COL5A2: variants seen among roughly 807,000 people sequenced by gnomAD.
COL5A2 encodes collagen type V alpha 2 chain, also known as collagen alpha-2(V) chain.
In COL5A2, 23 loss-of-function variants were observed where a neutral mutation model predicts 208.2. That is an observed-to-expected ratio of 0.11 (90% CI 0.08 to 0.16). The LOEUF (loss-of-function observed/expected upper bound fraction) is 0.16. COL5A2 is among the 10% of genes least tolerant of loss of function. COL5A2 has a pLI of 1.00. For synonymous variants in COL5A2, 625 were observed against 628.5 expected (o/e 0.99, Z 0.08); for missense variants, 1,590 against 1,956.4 (o/e 0.81, Z 3.53).
At chr2:189,403,188 C>CATTCGTG in the COL5A2 span, among the ~76,000 whole-genome samples, 2 of 152,154 alleles carry the variant, frequency 1.3e-5, no homozygotes, top group Non-Finnish European at 2.9e-5. Flanking sequence ...AATGGGAGCT[C>CATTCGTG]ATTCGTGATT....
At chr2:189,049,137 G>A (rs533940355) in intron 44 of COL5A2, among the ~76,000 whole-genome samples, 1 of 152,276 alleles carries the variant, frequency 6.6e-6, no homozygotes, top group South Asian at 2.1e-4. Flanking sequence ...ACTAGATGAA[G>A]GTCAGTGCAA....
At chr2:189,345,633 A>G in the COL5A2 span, among the ~76,000 whole-genome samples, 8 of 152,316 alleles carry the variant, frequency 5.3e-5, no homozygotes, top group South Asian at 1.7e-3. Flanking sequence ...AACAGTATTA[A>G]TTGCCATAGA....
At chr2:189,045,671 T>C (rs1022529877) in intron 46 of COL5A2, 129 bp downstream of exon 46, 27 of 781,196 alleles carry the variant, frequency 3.5e-5, no homozygotes, top group Non-Finnish European at 5.6e-5. Flanking sequence ...TAATTAGCTG[T>C]TTACCATTCA....
intron 1 of COL5A2, among the ~76,000 whole-genome samples, chr2:189,135,091 T>C (rs907590004): frequency 6.6e-6 from 1 of 152,178 alleles, no homozygotes; most frequent in African/African-American, 2.4e-5. Context: ...CAACTTTTCT[T>C]CTTGTTATCT....
At chr2:189,266,560 A>C in the COL5A2 span, among the ~76,000 whole-genome samples, 1 of 152,282 alleles carries the variant, frequency 6.6e-6, no homozygotes, top group East Asian at 1.9e-4. Context: ...GAAGTGTCCA[A>C]AATAGGCAAA....
Position 189,050,621 on chromosome 2 carries a change from CCAA to C in COL5A2, c.2984_2986del (p.Val995del). 6.4e-7 allele frequency: 1 copy of C among 1,552,594 alleles called. No homozygotes were observed. The highest frequency in any genetic ancestry group is 8.7e-7 in the Non-Finnish European group (1 of 1,147,442). The stretch of plus-strand genomic sequence containing the variant: ...TCTCTCTCCACGTTGCCCAGGCATG[CCAA>C]CAATTCCTCTCTGCCCGGTCGTTCC... On this transcript the variant is annotated inframe_deletion, in exon 43 of 54. Transcript: ENST00000374866.
chr2:189,367,411 C>G, the COL5A2 span, among the ~76,000 whole-genome samples: 1 of 152,306 alleles, frequency 6.6e-6, no homozygotes, highest in South Asian at 2.1e-4. Flanking sequence ...CACATATTGA[C>G]TTCCATGTTT....
At chr2:189,223,898 T>C (rs1426657484) in intron 1 of COL5A2, among the ~76,000 whole-genome samples, 1 of 152,186 alleles carries the variant, frequency 6.6e-6, no homozygotes, top group Non-Finnish European at 1.5e-5. Context: ...TAAGCAAATG[T>C]ATTGTGTGGG....
chr2:189,246,641 T>A, the COL5A2 span, among the ~76,000 whole-genome samples: 17 of 152,204 alleles, frequency 1.1e-4, no homozygotes, highest in African/African-American at 4.1e-4. Context: ...CTGTTCATAT[T>A]TGGGTTTTAG....
intron 1 of COL5A2, among the ~76,000 whole-genome samples, chr2:189,153,469 A>T (rs982561991): frequency 1.3e-5 from 2 of 152,210 alleles, no homozygotes; most frequent in Non-Finnish European, 2.9e-5. Flanking sequence ...CCAGTCATGC[A>T]TGCTTCACTA....
At chr2:189,375,094 G>A in the COL5A2 span, among the ~76,000 whole-genome samples, 1 of 150,624 alleles carries the variant, frequency 6.6e-6, no homozygotes, top group Non-Finnish European at 1.5e-5. Context: ...TCAGCTCACT[G>A]AAACCTCCAG....
At chr2:189,246,802 C>T in the COL5A2 span, among the ~76,000 whole-genome samples, 3 of 152,166 alleles carry the variant, frequency 2.0e-5, no homozygotes, top group African/African-American at 7.2e-5. Context: ...TACAGCAAAA[C>T]ATCTTAGTGG....
chr2:189,134,687 G>A (rs1687793231), intron 1 of COL5A2, among the ~76,000 whole-genome samples: 2 of 152,124 alleles, frequency 1.3e-5, no homozygotes, highest in South Asian at 2.1e-4. Flanking sequence ...ACATGAAAAT[G>A]CCTTCCTGGA....
intron 21 of COL5A2, 107 bp from the exon 22 acceptor site, chr2:189,066,889 G>A (rs946746417): frequency 2.0e-5 from 17 of 855,838 alleles, no homozygotes; most frequent in Non-Finnish European, 2.8e-5. Flanking sequence ...CAGCTGAGTC[G>A]GTTTTGCATC....
At chr2:189,047,134 A>AT in intron 45 of COL5A2, among the ~76,000 whole-genome samples, 1 of 152,186 alleles carries the variant, frequency 6.6e-6, no homozygotes, top group Non-Finnish European at 1.5e-5. Flanking sequence ...AAAAAAAAAA[A>AT]AAATACTTAA....
At chr2:189,157,113 T>C (rs2882733) in intron 1 of COL5A2, among the ~76,000 whole-genome samples, 89,475 of 144,600 alleles carry the variant, frequency 0.62, 28,644 homozygotes, top group East Asian at 0.8. Flanking sequence ...GAGATAGATA[T>C]ATCGATATAT....
At chr2:189,039,099 G>A (rs1468045718) in intron 51 of COL5A2, among the ~76,000 whole-genome samples, 173 bp downstream of exon 51, 1 of 151,846 alleles carries the variant, frequency 6.6e-6, no homozygotes, top group African/African-American at 2.4e-5. Context: ...TTTTTTTCAT[G>A]TTTTCACAAA....
the COL5A2 span, among the ~76,000 whole-genome samples, chr2:189,432,497 C>A: frequency 6.3e-3 from 964 of 152,068 alleles, 11 homozygotes; most frequent in African/African-American, 0.022. Flanking sequence ...ACCTACCAAG[C>A]AAATGGAAAG....
At chr2:189,416,372 T>C in the COL5A2 span, among the ~76,000 whole-genome samples, 1 of 152,316 alleles carries the variant, frequency 6.6e-6, no homozygotes, top group East Asian at 1.9e-4. Context: ...CATGGAATAC[T>C]ATGCAGCCAT....
Sources: gnomAD v4.1 joint callset for allele counts (sites outside exome capture counted in the v4.1 genomes callset) on GRCh38, gnomAD v4.1.1 for gene constraint, MANE v1.5 for transcripts, NCBI Gene and HGNC (gene_info 2026-07-23, HGNC 2026-07-21) for gene names.